Variants in SEPTIN10 observed in about 807,000 individuals in gnomAD.
SEPTIN10 encodes septin 10.
SEPTIN10 carries 66 observed loss-of-function variants against 54.8 expected under a neutral mutation model. The ratio of observed to expected loss-of-function variants is 1.21; its 90% CI spans 0.99 to 1.48. The LOEUF (loss-of-function observed/expected upper bound fraction) is 1.48. Ranked by LOEUF, SEPTIN10 falls within the 40% of genes most tolerant of loss-of-function variation. The pLI, the probability that SEPTIN10 is intolerant of heterozygous loss-of-function variation, is 0.00. For synonymous variants in SEPTIN10, 161 were observed against 181.0 expected (o/e 0.89, Z 0.89); for missense variants, 620 against 545.6 (o/e 1.14, Z -1.36).
intron 4 of SEPTIN10, among the ~76,000 whole-genome samples, chr2:109,579,712 C>T (rs1339848299): frequency 6.6e-6 from 1 of 151,886 alleles, no homozygotes; most frequent in East Asian, 1.9e-4. Flanking sequence ...TTAGTTCTAC[C>T]AAACATTCCA....
At chr2:109,609,049 CA>C (rs2106331222) in intron 1 of SEPTIN10, among the ~76,000 whole-genome samples, 1 of 152,202 alleles carries the variant, frequency 6.6e-6, no homozygotes, top group South Asian at 2.1e-4. Flanking sequence ...CAAAATATAT[CA>C]ATCAATCAAT....
intron 1 of SEPTIN10, among the ~76,000 whole-genome samples, chr2:109,609,386 G>GA (rs1698731161): frequency 2.0e-5 from 3 of 151,914 alleles, no homozygotes; most frequent in Non-Finnish European, 1.5e-5. Context: ...AATTAAGGAC[G>GA]AAAAAAATGC....
At chr2:109,565,992 A>G in intron 6 of SEPTIN10, 133 bp from the exon 7 acceptor site, 1 of 779,568 alleles carries the variant, frequency 1.3e-6, no homozygotes, top group Non-Finnish European at 2.1e-6. Flanking sequence ...TATGCCTCAG[A>G]TTTTAAAACC....
intron 9 of SEPTIN10, among the ~76,000 whole-genome samples, chr2:109,552,368 G>T (rs1683179564): frequency 6.6e-6 from 1 of 152,088 alleles, no homozygotes; most frequent in South Asian, 2.1e-4. Context: ...AACCACCCCA[G>T]CAACACTCAA....
At chr2:109,582,138 A>C (rs1244914047) in intron 4 of SEPTIN10, among the ~76,000 whole-genome samples, 2 of 151,942 alleles carry the variant, frequency 1.3e-5, no homozygotes, top group African/African-American at 4.8e-5. Context: ...AAACCTAGGA[A>C]TATATCTAAC....
intron 8 of SEPTIN10, among the ~76,000 whole-genome samples, chr2:109,563,099 C>T (rs1402777164): frequency 3.3e-5 from 5 of 152,042 alleles, no homozygotes; most frequent in African/African-American, 1.2e-4. Context: ...TTAGTAAAGA[C>T]GGGGTTTCAC....
chr2:109,574,466 A>AG, intron 5 of SEPTIN10, 115 bp downstream of exon 5: 5 of 573,204 alleles, frequency 8.7e-6, no homozygotes. Flanking sequence ...AAAAAAAAAA[A>AG]TTTAAAAAAG....
chr2:109,576,863 T>C (rs1573609000), intron 4 of SEPTIN10, among the ~76,000 whole-genome samples: 2 of 152,152 alleles, frequency 1.3e-5, no homozygotes, highest in South Asian at 2.1e-4. Flanking sequence ...ATCTAACATA[T>C]ATTTCATCAA....
chr2:109,544,641 G>A (rs1176855508), intron 10 of SEPTIN10: 1 of 930,500 alleles, frequency 1.1e-6, no homozygotes, highest in African/African-American at 1.8e-5. Context: ...GTAACACTGG[G>A]TTAAGATGAA....
Position 109,585,720 on chromosome 2 carries a change from C to T in SEPTIN10, c.217+1G>A, listed in dbSNP as rs574040357. ...TTAGAGGAAGAGTAGGTGGCACGTA[C>T]CCACACAGAGAATATTAAAGCAGAA... On this transcript the variant is annotated splice_donor_variant, in intron 3 of 10. Transcript: ENST00000397712. LOFTEE classifies it high-confidence loss of function. 50 of 1,602,220 alleles carry T rather than the reference C, an allele frequency of 3.1e-5. No homozygotes were observed. Among genetic ancestry groups the T allele is most frequent in the Non-Finnish European group, 4.1e-5 (48 of 1,170,418 alleles).
rs369259191 is a variant in SEPTIN10, at chr2:109,604,510, G to A, written c.30+9288C>T. ...GGGAGGCCGAGGCGGGTGGGATCAC[G>A]AGGTCAGGAGATCGAGACCATCCTG... On this transcript the variant is annotated intron_variant, in intron 1 of 10. Transcript: ENST00000397712. Among the ~76,000 whole-genome samples the A allele has an allele frequency of 8.4e-4, 128 of 152,014 alleles. 1 individual carries two copies. Among genetic ancestry groups the A allele is most frequent in the Middle Eastern group, 6.8e-3 (2 of 294 alleles).
rs369971346 is a variant in SEPTIN10 at position 109,574,595 on chromosome 2, T to C, written c.586A>G (p.Asn196Asp). Reference protein sequence around the residue: ...LKTLDLLTMKNLDSKVNIIPV... With the variant: ...LKTLDLLTMKDLDSKVNIIPV... The stretch of plus-strand genomic sequence containing the variant: ...CCTCAACCCACCTTGCTGTCAAGGT[T>C]CTTCATGGTTAAGAGATCAAGTGTC... Residue 196 changes from asparagine to aspartate, a missense_variant, in exon 5 of 11, where the codon AAC (asparagine) becomes GAC (aspartate). Coordinates refer to ENST00000397712, the MANE Select transcript of SEPTIN10 (RefSeq NM_144710.5). The C allele has an allele frequency of 2.6e-6, 4 of 1,557,598 alleles. No homozygotes were observed. The highest frequency in any genetic ancestry group is 3.5e-6 in the Non-Finnish European group (4 of 1,154,502).
At chr2:109,605,430 A>T (rs1208671968) in intron 1 of SEPTIN10, 1 of 152,192 alleles carries the variant, frequency 6.6e-6, no homozygotes, top group Non-Finnish European at 1.5e-5. Context: ...AGATCGTACC[A>T]CTGCACTCTA....
rs748202121 is a variant in SEPTIN10 at position 109,585,220 on chromosome 2, CTTTAAG to C, written c.313_318del (p.Leu105_Lys106del). On this transcript the variant is annotated inframe_deletion, in exon 4 of 11. Transcript: ENST00000397712. ...CTTTCCTGGAGTTCATATGTCTGAG[CTTTAAG>C]TTTAACATTTGGGCAAAAATGTGAG... is the stretch of plus-strand genomic sequence containing the variant. The C allele has an allele frequency of 6.8e-6, 11 of 1,612,720 alleles. No homozygotes were observed. The African/African-American group carries it at 8.0e-5, about 12-fold the overall frequency.
intron 2 of SEPTIN10, among the ~76,000 whole-genome samples, chr2:109,589,091 T>C (rs1693319326): frequency 1.3e-5 from 2 of 152,026 alleles, no homozygotes; most frequent in African/African-American, 4.8e-5. Context: ...CACGCCTGGG[T>C]AATTTTTGTG....
intron 3 of SEPTIN10, 114 bp downstream of exon 3, chr2:109,585,607 C>A: frequency 6.1e-6 from 5 of 825,494 alleles, no homozygotes; most frequent in Admixed American, 2.2e-5. Flanking sequence ...AAAGAGAATC[C>A]CTGGGATCAT....
chr2:109,555,588 C>T (rs1684172277), intron 8 of SEPTIN10, among the ~76,000 whole-genome samples: 1 of 152,194 alleles, frequency 6.6e-6, no homozygotes, highest in South Asian at 2.1e-4. Flanking sequence ...TGACAAACTG[C>T]GTCTGCCATC....
At position 109,543,932 on chromosome 2, in the gene SEPTIN10, T is replaced by C. The variant is rs1452311804; in HGVS notation, c.*377A>G. On this transcript the variant is annotated 3_prime_UTR_variant, in exon 11 of 11. Coordinates refer to ENST00000397712, the MANE Select transcript of SEPTIN10 (RefSeq NM_144710.5). ...TCATGTTTCACATCCACCTTATACA[T>C]ATAGCCTGAAAGTAATTTATACAAA... 5.5e-6 allele frequency: 3 copies of C among 545,452 alleles called. No individual in the cohort carries two copies. Among genetic ancestry groups the C allele is most frequent in the East Asian group, 6.1e-5 (2 of 32,610 alleles). 33.8% of individuals were successfully genotyped at this position (545,452 alleles called of 1,614,324 possible).
At chr2:109,579,301 C>T (rs887403867) in intron 4 of SEPTIN10, among the ~76,000 whole-genome samples, 11 of 151,886 alleles carry the variant, frequency 7.2e-5, no homozygotes, top group Non-Finnish European at 1.5e-4. Flanking sequence ...CTTAGAAAAC[C>T]CCAGGCACTG....
Sources: allele counts gnomAD v4.1 joint callset (sites outside exome capture counted in the v4.1 genomes callset), GRCh38; gene constraint gnomAD v4.1.1; transcripts MANE v1.5; gene names NCBI Gene and HGNC (gene_info 2026-07-23, HGNC 2026-07-21).